SORBS2: variants seen among roughly 807,000 people sequenced by gnomAD.
The protein encoded by SORBS2 is sorbin and SH3 domain-containing protein 2.
A neutral mutation model predicts 97.7 loss-of-function variants in SORBS2; 46 were observed. The ratio of observed to expected loss-of-function variants is 0.47; its 90% confidence interval spans 0.37 to 0.60. The LOEUF (loss-of-function observed/expected upper bound fraction) is 0.60. Among genes scored for constraint, SORBS2 ranks in the 20% least tolerant of loss-of-function variants. The pLI is 0.00. For synonymous variants in SORBS2, 476 were observed against 473.4 expected (o/e 1.01, Z -0.07); for missense variants, 1,316 against 1,282.3 (o/e 1.03, Z -0.40).
chr4:185,899,687 A>C (rs978705377), intron 1 of SORBS2, among the ~76,000 whole-genome samples: 1 of 152,220 alleles, frequency 6.6e-6, no homozygotes, highest in Non-Finnish European at 1.5e-5. Context: ...GAGTTGGAAA[A>C]ATAAAGAGCT....
intron 1 of SORBS2, chr4:185,813,123 CTGATA>C (rs1270262136): frequency 1.3e-5 from 2 of 152,196 alleles, no homozygotes; most frequent in Non-Finnish European, 2.9e-5. Flanking sequence ...CATATTCTAT[CTGATA>C]TATTTCCAAG....
intron 1 of SORBS2, among the ~76,000 whole-genome samples, chr4:185,954,577 T>C (rs1434961216): frequency 6.6e-6 from 1 of 152,206 alleles, no homozygotes; most frequent in Admixed American, 6.5e-5. Flanking sequence ...CACCAGACCA[T>C]AATTAGTAAA....
At chr4:185,751,172 T>TG (rs2098796585) in intron 2 of SORBS2, among the ~76,000 whole-genome samples, 1 of 31,706 alleles carries the variant, frequency 3.2e-5, no homozygotes, top group East Asian at 6.7e-4. Flanking sequence ...CTCTAAATAC[T>TG]AAAAAAAAAA....
chr4:185,955,548 C>G (rs571169197), intron 1 of SORBS2, among the ~76,000 whole-genome samples: 12 of 152,290 alleles, frequency 7.9e-5, no homozygotes, highest in African/African-American at 2.9e-4. Context: ...TCTCATGGGT[C>G]TTTTGTTACT....
chr4:185,845,093 G>C (rs551752122), intron 1 of SORBS2, among the ~76,000 whole-genome samples: 1 of 151,288 alleles, frequency 6.6e-6, no homozygotes, highest in Admixed American at 6.6e-5. Context: ...ACTCACTGCA[G>C]CCTCATCCTC....
At position 185,889,718 on chromosome 4, in the gene SORBS2, T is replaced by C. The variant is rs964341703; in HGVS notation, c.-338+66478A>G. On this transcript the variant is annotated intron_variant, in intron 1 of 20. Transcript: ENST00000284776. ...GTCCTCCTCCTCCGCCTGACAGTTT[T>C]ACGCCCTGAACATCTATATAATTTA... is the stretch of plus-strand genomic sequence containing the variant. Among the ~76,000 whole-genome samples, 10 of 152,256 alleles carry C rather than the reference T, an allele frequency of 6.6e-5. No individual in the cohort carries two copies. The South Asian group carries it at 8.3e-4, about 13-fold the overall frequency.
At chr4:185,620,652 G>A (rs913152434) in intron 7 of SORBS2, among the ~76,000 whole-genome samples, 1 of 152,106 alleles carries the variant, frequency 6.6e-6, no homozygotes, top group African/African-American at 2.4e-5. Context: ...GAGGATGACA[G>A]GAGGGTGGTG....
At chr4:185,878,120 C>T (rs1440103256) in intron 1 of SORBS2, among the ~76,000 whole-genome samples, 3 of 152,002 alleles carry the variant, frequency 2.0e-5, no homozygotes, top group Non-Finnish European at 4.4e-5. Context: ...CCAATTATCT[C>T]CTATTGCTGT....
chr4:185,763,885 G>T (rs767811133), intron 2 of SORBS2, among the ~76,000 whole-genome samples: 3 of 152,168 alleles, frequency 2.0e-5, no homozygotes, highest in Non-Finnish European at 4.4e-5. Context: ...ATTGGAATGA[G>T]TCTATGGATA....
intron 1 of SORBS2, among the ~76,000 whole-genome samples, chr4:185,910,598 C>T (rs1290764425): frequency 1.3e-5 from 2 of 152,036 alleles, no homozygotes; most frequent in African/African-American, 4.8e-5. Flanking sequence ...CCCAGGCTGG[C>T]GTTCAGTGGC....
chr4:185,677,444 T>C, intron 4 of SORBS2: 2 of 1,552,248 alleles, frequency 1.3e-6, no homozygotes, highest in Non-Finnish European at 1.7e-6. Flanking sequence ...TGTTAGATTC[T>C]TCAGAATATA....
At chr4:185,873,568 A>G (rs1393684676) in intron 1 of SORBS2, among the ~76,000 whole-genome samples, 1 of 152,166 alleles carries the variant, frequency 6.6e-6, no homozygotes, top group Non-Finnish European at 1.5e-5. Context: ...ATGCATATCT[A>G]TTTTTCTTTG....
chr4:185,636,003 C>T (rs993117020), intron 4 of SORBS2, among the ~76,000 whole-genome samples: 6 of 152,090 alleles, frequency 3.9e-5, no homozygotes, highest in African/African-American at 7.2e-5. Flanking sequence ...GGATTACAGG[C>T]GTACGCCACC....
chr4:185,615,513 AT>A (rs544439736), intron 9 of SORBS2, among the ~76,000 whole-genome samples: 4,783 of 142,874 alleles, frequency 0.033, 167 homozygotes, highest in African/African-American at 0.092. Context: ...TTCTGCACTG[AT>A]TTTTTTTTTT....
chr4:185,853,076 G>A (rs1280357703), intron 1 of SORBS2, among the ~76,000 whole-genome samples: 2 of 152,176 alleles, frequency 1.3e-5, no homozygotes, highest in Non-Finnish European at 2.9e-5. Flanking sequence ...TGTACAGCAT[G>A]TAAAATACCT....
chr4:185,731,950 G>C (rs900617762), intron 2 of SORBS2, among the ~76,000 whole-genome samples: 4 of 143,480 alleles, frequency 2.8e-5, no homozygotes, highest in Non-Finnish European at 6.0e-5. Context: ...AATCAAATCA[G>C]TGTGCAGATG....
intron 5 of SORBS2, among the ~76,000 whole-genome samples, 166 bp downstream of exon 17, chr4:185,630,383 C>A (rs2096887421): frequency 6.6e-6 from 1 of 151,956 alleles, no homozygotes; most frequent in African/African-American, 2.4e-5. Context: ...TTGAAATGAT[C>A]ATATAAAATG....
chr4:185,614,026 G>T (rs761175372), intron 11 of SORBS2, among the ~76,000 whole-genome samples: 1 of 152,094 alleles, frequency 6.6e-6, no homozygotes, highest in South Asian at 2.1e-4. Flanking sequence ...TTACTACCTC[G>T]CCTGTGTTGT....
At chr4:185,789,742 T>G (rs2099072164) in intron 1 of SORBS2, among the ~76,000 whole-genome samples, 1 of 152,144 alleles carries the variant, frequency 6.6e-6, no homozygotes, top group Non-Finnish European at 1.5e-5. Flanking sequence ...TTAATTCTCT[T>G]GATTTTTAAT....
Sources: gnomAD v4.1 joint callset for allele counts (sites outside exome capture counted in the v4.1 genomes callset) on GRCh38, gnomAD v4.1.1 for gene constraint, MANE v1.5 for transcripts, NCBI Gene and HGNC (gene_info 2026-07-23, HGNC 2026-07-21) for gene names.